DNAH6: variants seen among roughly 807,000 people sequenced by gnomAD.
DNAH6 encodes the protein axonemal beta dynein heavy chain 6.
In DNAH6, 340 loss-of-function variants were observed where a neutral mutation model predicts 491.4. The ratio of observed to expected loss-of-function variants is 0.69; its 90% CI spans 0.63 to 0.76. The LOEUF (loss-of-function observed/expected upper bound fraction) is 0.76, where lower values mean the gene tolerates loss of function less well. DNAH6 is among the 30% of genes least tolerant of loss of function. The pLI is 0.00. For synonymous variants in DNAH6, 1,603 were observed against 1,686.1 expected, an observed-to-expected ratio of 0.95 and a Z score of 1.21; for missense variants, 4,443 against 4,972.2, an observed-to-expected ratio of 0.89 and a Z score of 3.20.
At chr2:84,814,215 C>T in intron 75 of DNAH6, 93 bp downstream of exon 75, 3 of 1,327,380 alleles carry the variant, frequency 2.3e-6, no homozygotes, top group East Asian at 2.5e-5. Context: ...CCCCCACCAC[C>T]TCCCATTGGC....
intron 1 of DNAH6, among the ~76,000 whole-genome samples, chr2:84,517,057 A>G (rs1048010525): frequency 6.6e-6 from 1 of 152,182 alleles, no homozygotes; most frequent in Non-Finnish European, 1.5e-5. Context: ...AATTGCATAC[A>G]AAGCTCTCAT....
chr2:84,688,061 C>A (rs1353799342), intron 44 of DNAH6, among the ~76,000 whole-genome samples: 1 of 151,676 alleles, frequency 6.6e-6, no homozygotes, highest in Non-Finnish European at 1.5e-5. Flanking sequence ...ATAGTGAAAC[C>A]CCGTCTGTAC....
At chr2:84,591,276 C>T (rs527549978) in intron 16 of DNAH6, among the ~76,000 whole-genome samples, 57 of 152,144 alleles carry the variant, frequency 3.7e-4, no homozygotes, top group Non-Finnish European at 7.1e-4. Context: ...AATCAACTTA[C>T]GTGAATTAGT....
At chr2:84,529,317 G>A (rs943779604) in intron 4 of DNAH6, among the ~76,000 whole-genome samples, 151 bp downstream of exon 4, 1 of 151,780 alleles carries the variant, frequency 6.6e-6, no homozygotes, top group Non-Finnish European at 1.5e-5. Context: ...CAACAATTTT[G>A]TATTTTTTCA....
chr2:84,528,817 A>G, intron 3 of DNAH6, 87 bp from the exon 4 acceptor site: 1 of 1,294,124 alleles, frequency 7.7e-7, no homozygotes, highest in Non-Finnish European at 1.0e-6. Flanking sequence ...CAATATGGCA[A>G]TTAGTCCTTG....
intron 42 of DNAH6, among the ~76,000 whole-genome samples, chr2:84,683,396 GT>G (rs1369006147): frequency 2.2e-5 from 3 of 136,312 alleles, no homozygotes; most frequent in African/African-American, 8.8e-5. Context: ...AGTGCCCTTT[GT>G]TCTACACCAC....
At chr2:84,791,646 T>A (rs1559045641) in intron 68 of DNAH6, among the ~76,000 whole-genome samples, 2 of 149,736 alleles carry the variant, frequency 1.3e-5, no homozygotes, top group East Asian at 3.9e-4. Flanking sequence ...ATTAATGAAT[T>A]TATATATATA....
chr2:84,463,839 C>A, the DNAH6 span, among the ~76,000 whole-genome samples: 2 of 152,076 alleles, frequency 1.3e-5, no homozygotes, highest in African/African-American at 4.8e-5. Context: ...GAAATAAATT[C>A]ATTATAGTCC....
At chr2:84,593,521 T>C (rs1242445323) in intron 16 of DNAH6, among the ~76,000 whole-genome samples, 1 of 152,152 alleles carries the variant, frequency 6.6e-6, no homozygotes, top group Non-Finnish European at 1.5e-5. Context: ...CACGCTGTCC[T>C]CTCCATCTTA....
rs186893117 is a variant in DNAH6 at position 84,588,734 on chromosome 2, A to G, written c.2482-92A>G. ...AAAATCAAAAAGAAAAGAGAAAGGA[A>G]TCTTTTTAAAAATGTTTATTAATTC... On this transcript the variant is annotated intron_variant, in intron 15 of 76. Coordinates refer to ENST00000389394, the MANE Select transcript of DNAH6 (RefSeq NM_001370.2). 9.6e-6 allele frequency: 11 copies of G among 1,140,428 alleles called. No homozygotes were observed. The Admixed American group carries it at 3.0e-4, about 31-fold the overall frequency. 70.6% of individuals were successfully genotyped at this position (1,140,428 alleles called of 1,614,324 possible). A position where few individuals can be genotyped will look rare whatever the true frequency, so the allele number is the denominator to read the frequency against.
At chr2:84,707,740 G>A (rs751912407) in intron 54 of DNAH6, 24 bp downstream of exon 54, 2 of 1,540,504 alleles carry the variant, frequency 1.3e-6, no homozygotes, top group Admixed American at 4.0e-5. Context: ...CTTTCTGTAA[G>A]GAGGGGTAAG....
chr2:84,663,183 TCTC>T (rs1270150458), intron 37 of DNAH6, among the ~76,000 whole-genome samples: 1 of 152,138 alleles, frequency 6.6e-6, no homozygotes, highest in Non-Finnish European at 1.5e-5. Context: ...GAGCACCTCT[TCTC>T]CTCCAAAGGA....
chr2:84,601,632 G>C (rs910453882), intron 18 of DNAH6, among the ~76,000 whole-genome samples: 1 of 52,900 alleles, frequency 1.9e-5, no homozygotes, highest in Non-Finnish European at 3.4e-5. Context: ...AGATAGCATA[G>C]AATTGATTCC....
chr2:84,649,733 T>C (rs184970259), intron 33 of DNAH6, among the ~76,000 whole-genome samples: 1 of 152,148 alleles, frequency 6.6e-6, no homozygotes, highest in African/African-American at 2.4e-5. Context: ...ATCATGTTCC[T>C]TTTCAGGGAC....
At chr2:84,812,117 A>G (rs763065221) in intron 72 of DNAH6, among the ~76,000 whole-genome samples, 1 of 151,866 alleles carries the variant, frequency 6.6e-6, no homozygotes, top group Non-Finnish European at 1.5e-5. Context: ...ACTGCACTGG[A>G]CTCTGCTTTC....
intron 37 of DNAH6, among the ~76,000 whole-genome samples, chr2:84,662,248 G>T (rs997327466): frequency 1.3e-5 from 2 of 152,110 alleles, no homozygotes; most frequent in Non-Finnish European, 2.9e-5. Context: ...GAGGTACCAG[G>T]TTCATCTCAC....
intron 37 of DNAH6, among the ~76,000 whole-genome samples, chr2:84,665,899 C>T (rs1017065673): frequency 1.3e-5 from 2 of 152,150 alleles, no homozygotes; most frequent in Admixed American, 1.3e-4. Flanking sequence ...AAAGCTTATC[C>T]ACCACGATCA....
chr2:84,519,854 T>A (rs936198601), intron 2 of DNAH6, among the ~76,000 whole-genome samples: 13 of 152,172 alleles, frequency 8.5e-5, no homozygotes, highest in African/African-American at 3.1e-4. Flanking sequence ...TACAAATTTA[T>A]TTGTAATTTT....
At chr2:84,566,275 C>G (rs1043195118) in intron 11 of DNAH6, among the ~76,000 whole-genome samples, 2 of 151,982 alleles carry the variant, frequency 1.3e-5, no homozygotes, top group Non-Finnish European at 2.9e-5. Context: ...TCTCCAAAGA[C>G]TAGATATTCA....
Sources: allele counts gnomAD v4.1 joint callset (sites outside exome capture counted in the v4.1 genomes callset), GRCh38; gene constraint gnomAD v4.1.1; transcripts MANE v1.5; gene names NCBI Gene and HGNC (gene_info 2026-07-23, HGNC 2026-07-21).